Variants in NFKBID observed in about 807,000 individuals in gnomAD.
NFKBID encodes NF-kappa-B inhibitor delta.
A neutral mutation model predicts 53.4 loss-of-function variants in NFKBID; 26 were observed. The observed-to-expected ratio is 0.49, with a 90% CI of 0.36 to 0.68. The LOEUF is 0.68. Among genes scored for constraint, NFKBID ranks in the 30% least tolerant of loss-of-function variants. The pLI, the probability that NFKBID is intolerant of heterozygous loss-of-function variation, is 0.00. For synonymous variants in NFKBID, 262 were observed against 259.8 expected, an observed-to-expected ratio of 1.01 and a Z score of -0.08; for missense variants, 493 against 614.1, an observed-to-expected ratio of 0.80 and a Z score of 2.08.
chr19:35,896,979 A>G lies in NFKBID; in HGVS notation c.512T>C (p.Val171Ala), dbSNP rs8113704. 0.071 allele frequency: 114,040 copies of G among 1,607,792 alleles called. 11,190 individuals are homozygous for G. Among genetic ancestry groups the G allele is most frequent in the African/African-American group, 0.48 (35,987 of 74,286 alleles). ...CAAAGCCAGCATGTGAGCTCGGGCC[A>G]CCTCCAGCGATGGTCCAGGGACCAC... is the stretch of plus-strand genomic sequence containing the variant. The change falls in exon 5 of 12, where the codon GTG (valine) becomes GCG (alanine). Residue 171 changes from valine (V) to alanine (A), a missense_variant. This residue lies in a region of NFKBID where 226 missense variants were observed against 229.5 expected (regional missense o/e 0.98). Transcript: ENST00000641389. This position sits in a 1 kb window ranked among gnomAD's most constrained non-coding sequence, Gnocchi z 5.7.
Position 35,897,456 on chromosome 19 carries a change from C to A in NFKBID, c.432+195G>T, listed in dbSNP as rs150309370. The A allele has an allele frequency of 3.3e-3, 2,086 of 624,600 alleles. 31 individuals are homozygous for A. The highest frequency in any genetic ancestry group is 0.033 in the African/African-American group (1,814 of 54,676). The allele number at this position is 624,600 out of a possible 1,614,324, so 38.7% of individuals were successfully genotyped here. Reference sequence around the variant, plus strand: ...TTTTGGTTTCACCATGTTGGCCAAGCTGGTCTCAAACGCCTGACCTCAAGT... The same window carrying A: ...TTTTGGTTTCACCATGTTGGCCAAGATGGTCTCAAACGCCTGACCTCAAGT... On this transcript the variant is annotated intron_variant, in intron 4 of 11. Transcript: ENST00000641389.
chr19:35,888,578 G>A lies in NFKBID; in HGVS notation c.1349C>T (p.Pro450Leu), dbSNP rs368659357. The A allele has an allele frequency of 1.0e-5, 16 of 1,571,364 alleles. No individual in the cohort carries two copies. The highest frequency in any genetic ancestry group is 7.4e-5 in the Admixed American group (4 of 53,880). ...TGAGTCCTAAGAGGACAGGCCTGGC[G>A]GCGCCACACGGCTCCTCTTCAACAG... Residue 450 changes from proline (P) to leucine (L), a missense_variant, in exon 12 of 12, where the codon CCG becomes CTG. Transcript: ENST00000641389.
intron 1 of NFKBID, 146 bp from the exon 2 acceptor site, chr19:35,898,968 A>C: frequency 1.6e-6 from 1 of 614,374 alleles, no homozygotes; most frequent in Admixed American, 2.8e-5. Flanking sequence ...TGACTCCTCC[A>C]AAGCCATTAG....
chr19:35,894,172 T>C (rs914399511), intron 9 of NFKBID, among the ~76,000 whole-genome samples: 6 of 151,794 alleles, frequency 4.0e-5, no homozygotes, highest in African/African-American at 1.5e-4. Context: ...GGCAGGAGCA[T>C]GGCTTGAACC....
chr19:35,893,854 T>C (rs1599609200), intron 9 of NFKBID, among the ~76,000 whole-genome samples: 1 of 146,082 alleles, frequency 6.8e-6, no homozygotes, highest in African/African-American at 2.5e-5. Context: ...AGTGAGAGAG[T>C]GGATGGGGCA....
chr19:35,899,904 T>G (rs7246180), intron 1 of NFKBID, among the ~76,000 whole-genome samples: 151,894 of 151,894 alleles, frequency 1, 75,947 homozygotes, highest in Non-Finnish European at 1. Context: ...GCGCGGCCGA[T>G]CGTGGCGCTC....
intron 11 of NFKBID, among the ~76,000 whole-genome samples, chr19:35,889,056 A>AG (rs1745108908): frequency 2.0e-5 from 3 of 151,674 alleles, no homozygotes; most frequent in Admixed American, 2.0e-4. Context: ...AAAAAAAAAA[A>AG]AAAGATTTGG....
chr19:35,890,496 G>C lies in NFKBID; in HGVS notation c.1033-6C>G. 6.2e-7 allele frequency: 1 copy of C among 1,603,744 alleles called. No individual in the cohort carries two copies. Among genetic ancestry groups the C allele is most frequent in the South Asian group, 1.1e-5 (1 of 90,848 alleles). On this transcript the variant is annotated splice_polypyrimidine_tract_variant and splice_region_variant and intron_variant, in intron 9 of 11. Coordinates refer to ENST00000641389, the Ensembl canonical transcript of NFKBID. The stretch of plus-strand genomic sequence containing the variant: ...GTCTTGTTGCTCTTGATCTCCTGAG[G>C]GGAAGGGAATGGCAGAGGTCAGGGC...
At chr19:35,895,874 G>T (rs554204812) in intron 9 of NFKBID, 106 bp downstream of exon 9, 39 of 993,462 alleles carry the variant, frequency 3.9e-5, no homozygotes, top group Non-Finnish European at 5.8e-5. Context: ...TCAAGGGCAC[G>T]CAGCAAGGAA....
Position 35,892,708 on chromosome 19 carries a change from T to C in NFKBID, c.1033-2218A>G, listed in dbSNP as rs1974859692. ...CCTTCATTGTGAGCCCCGCATCCAA[T>C]ATAAAGCCAATCTTTTTATTGTCTA... On this transcript the variant is annotated intron_variant, in intron 9 of 11. Coordinates refer to ENST00000641389, the Ensembl canonical transcript of NFKBID. Among the ~76,000 whole-genome samples the C allele has an allele frequency of 2.0e-5, 3 of 152,196 alleles. No individual in the cohort carries two copies. In the South Asian group the frequency reaches 6.2e-4, roughly 31 times the overall value.
chr19:35,900,827 CTTTTTTTTTTT>C (rs60365058), upstream of NFKBID, among the ~76,000 whole-genome samples: 5 of 107,606 alleles, frequency 4.6e-5, no homozygotes, highest in Admixed American at 1.0e-4. Flanking sequence ...TTTTTCTTTT[CTTTTTTTTTTT>C]TTTTTTTTTT....
At chr19:35,900,345 G>A (rs1427298522) in intron 1 of NFKBID, 97 bp downstream of exon 1, 2 of 962,006 alleles carry the variant, frequency 2.1e-6, no homozygotes. Context: ...ATAAAGGACT[G>A]ACGCTTCAGC....
chr19:35,901,346 C>T (rs1369194389), upstream of NFKBID, among the ~76,000 whole-genome samples: 2 of 152,124 alleles, frequency 1.3e-5, no homozygotes, highest in East Asian at 3.9e-4. Flanking sequence ...TTCTCCCTCT[C>T]CCCTACATCA....
rs765096098 is a variant in NFKBID, at chr19:35,896,380, A to G, written c.831+12T>C. ...CCCCCCAGACAAACCCCTGCCTGCC[A>G]GCTGGCCATACCAAGAGAACTCCTG... On this transcript the variant is annotated intron_variant, in intron 7 of 11. Transcript: ENST00000641389. The surrounding 1 kb of genome is among the most constrained non-coding windows in gnomAD (Gnocchi z 5.7). 6.8e-6 allele frequency: 11 copies of G among 1,614,016 alleles called. No individual in the cohort carries two copies. Among genetic ancestry groups the G allele is most frequent in the African/African-American group, 5.3e-5 (4 of 74,918 alleles).
chr19:35,889,149 G>C (rs1409282735), intron 11 of NFKBID, among the ~76,000 whole-genome samples: 2 of 150,292 alleles, frequency 1.3e-5, no homozygotes, highest in African/African-American at 4.9e-5. Context: ...CCAGGAGTTT[G>C]AGATCAACCT....
chr19:35,889,906 C>A, exon 11 of NFKBID: 2 of 1,609,614 alleles, frequency 1.2e-6, no homozygotes, highest in Non-Finnish European at 8.5e-7. Context: ...AGGGCCCGGC[C>A]CGGGCCGCAG....
chr19:35,901,042 A>G (rs766636568), upstream of NFKBID, among the ~76,000 whole-genome samples: 1 of 151,958 alleles, frequency 6.6e-6, no homozygotes, highest in Non-Finnish European at 1.5e-5. Flanking sequence ...CGTGTTGGCC[A>G]GGCTGGTCTC....
chr19:35,898,008 G>T (rs1975302596), intron 3 of NFKBID, among the ~76,000 whole-genome samples, 152 bp from the exon 4 acceptor site: 1 of 151,958 alleles, frequency 6.6e-6, no homozygotes, highest in South Asian at 2.1e-4. Context: ...GGACACTGAG[G>T]AATTGAGGGC....
At chr19:35,900,654 A>C (rs898279779), upstream of NFKBID, 20 of 1,229,222 alleles carry the variant, frequency 1.6e-5, no homozygotes, top group Non-Finnish European at 1.9e-5. Flanking sequence ...CGGCGAACGC[A>C]GTCCCTGAAT....
Sources: gnomAD v4.1 joint callset for allele counts (sites outside exome capture counted in the v4.1 genomes callset) on GRCh38, gnomAD v4.1.1 for gene constraint, gnomAD v4.1.1 regional missense constraint, Gnocchi (gnomAD v3.1) non-coding constraint, MANE v1.5 for transcripts, NCBI Gene and HGNC (gene_info 2026-07-23, HGNC 2026-07-21) for gene names.